Variants in MARCHF4 observed in about 807,000 individuals in gnomAD.
MARCHF4 encodes the protein E3 ubiquitin-protein ligase MARCHF4.
MARCHF4 carries 14 observed loss-of-function variants against 43.9 expected under a neutral mutation model. The ratio of observed to expected loss-of-function variants is 0.32; its 90% CI spans 0.21 to 0.50. The LOEUF is 0.50. Among genes scored for constraint, MARCHF4 ranks in the 20% least tolerant of loss-of-function variants. MARCHF4 has a pLI of 0.98. For missense variants in MARCHF4, 468 were observed against 536.7 expected (o/e 0.87, Z 1.27); for synonymous variants, 226 against 213.3 (o/e 1.06, Z -0.52).
intron 1 of MARCHF4, among the ~76,000 whole-genome samples, chr2:216,342,526 G>A (rs1559103867): frequency 6.6e-6 from 1 of 152,198 alleles, no homozygotes; most frequent in African/African-American, 2.4e-5. Context: ...AAGGTTGCTA[G>A]GGGTGGCTGA....
At chr2:216,368,344 G>T (rs1222479959) in intron 1 of MARCHF4, among the ~76,000 whole-genome samples, 1 of 152,200 alleles carries the variant, frequency 6.6e-6, no homozygotes, top group African/African-American at 2.4e-5. Context: ...AAGGCACTCT[G>T]GAGGATTTTT....
chr2:216,322,196 C>T (rs559138492), intron 1 of MARCHF4, among the ~76,000 whole-genome samples: 1 of 152,248 alleles, frequency 6.6e-6, no homozygotes, highest in Admixed American at 6.5e-5. Flanking sequence ...GGCAGCATCT[C>T]CTAAAATGTG....
intron 3 of MARCHF4, among the ~76,000 whole-genome samples, chr2:216,271,296 T>C (rs1179964863): frequency 6.6e-6 from 1 of 152,206 alleles, no homozygotes; most frequent in Non-Finnish European, 1.5e-5. Context: ...CTCCATACAA[T>C]GCTAGTTCCT....
At chr2:216,331,670 C>G (rs1427655244) in intron 1 of MARCHF4, among the ~76,000 whole-genome samples, 1 of 152,130 alleles carries the variant, frequency 6.6e-6, no homozygotes, top group African/African-American at 2.4e-5. Flanking sequence ...CAAGAATTAT[C>G]TAACAAATGA....
chr2:216,292,387 A>G (rs768713516), intron 1 of MARCHF4, among the ~76,000 whole-genome samples: 3 of 152,246 alleles, frequency 2.0e-5, no homozygotes, highest in Non-Finnish European at 4.4e-5. Context: ...GAGAATCTAA[A>G]GCCTTAAAAT....
chr2:216,299,366 C>A (rs1691451545), intron 1 of MARCHF4, among the ~76,000 whole-genome samples: 1 of 152,170 alleles, frequency 6.6e-6, no homozygotes, highest in Non-Finnish European at 1.5e-5. Context: ...AGCGTCTCAG[C>A]ATAGTCAGTC....
chr2:216,357,653 T>C (rs1448337641), intron 1 of MARCHF4, among the ~76,000 whole-genome samples: 1 of 152,224 alleles, frequency 6.6e-6, no homozygotes, highest in Non-Finnish European at 1.5e-5. Context: ...GTTGAGACTT[T>C]GGAAAGTACT....
At chr2:216,326,668 A>T (rs931967608) in intron 1 of MARCHF4, among the ~76,000 whole-genome samples, 2 of 152,170 alleles carry the variant, frequency 1.3e-5, no homozygotes, top group African/African-American at 4.8e-5. Context: ...GTAGGGACAT[A>T]GATGAAACTG....
At chr2:216,271,625 G>T (rs920313420) in intron 3 of MARCHF4, among the ~76,000 whole-genome samples, 2 of 152,168 alleles carry the variant, frequency 1.3e-5, no homozygotes, top group African/African-American at 4.8e-5. Context: ...TCTGACTCAA[G>T]TTCCTCTTTC....
intron 1 of MARCHF4, among the ~76,000 whole-genome samples, chr2:216,287,845 T>G (rs1458379663): frequency 1.3e-5 from 2 of 152,150 alleles, no homozygotes; most frequent in Non-Finnish European, 1.5e-5. Flanking sequence ...CGCTTTGTTT[T>G]TGAGTGTCTG....
intron 1 of MARCHF4, among the ~76,000 whole-genome samples, chr2:216,308,718 A>G (rs1691630517): frequency 6.6e-6 from 1 of 152,220 alleles, no homozygotes; most frequent in African/African-American, 2.4e-5. Context: ...AACCCAGACT[A>G]TGACGTATGC....
chr2:216,275,076 C>CT (rs1258103863), intron 3 of MARCHF4, among the ~76,000 whole-genome samples: 3 of 152,182 alleles, frequency 2.0e-5, no homozygotes, highest in Non-Finnish European at 4.4e-5. Flanking sequence ...GCTTTTGCAT[C>CT]TTGGGCTATT....
At chr2:216,337,710 T>G (rs1692179273) in intron 1 of MARCHF4, among the ~76,000 whole-genome samples, 1 of 152,214 alleles carries the variant, frequency 6.6e-6, no homozygotes, top group Non-Finnish European at 1.5e-5. Flanking sequence ...CACATCTCTT[T>G]CGTGGTCTTT....
intron 3 of MARCHF4, among the ~76,000 whole-genome samples, chr2:216,264,248 G>T (rs534598727): frequency 3.2e-4 from 49 of 152,262 alleles, no homozygotes; most frequent in South Asian, 8.3e-4. Context: ...ACCCCTTTGA[G>T]GATCTAACGA....
rs1031200383 is a variant in MARCHF4, at chr2:216,259,472, T to G, written c.1073A>C (p.Glu358Ala). The change falls in exon 4 of 4, where the codon GAG (glutamate) becomes GCG (alanine). Residue 358 changes from glutamate to alanine, a missense_variant. By Grantham distance (107) the Glu-to-Ala change is moderately radical. Around this residue, in one of 3 missense-constraint regions of MARCHF4, gnomAD observed 120 missense variants for 127.1 expected, o/e 0.94. Coordinates refer to ENST00000273067, the MANE Select transcript of MARCHF4 (RefSeq NM_020814.3). ...EEETAGTPAP[E>A]QGPAQAAGHP... ...GCCGGCAGCCTGGGCAGGGCCCTGC[T>G]CAGGGGCAGGGGTGCCTGCGGTCTC... 3 of 1,614,068 alleles carry G rather than the reference T, an allele frequency of 1.9e-6. No homozygotes were observed.
intron 3 of MARCHF4, chr2:216,266,184 G>A (rs959707599): frequency 6.6e-6 from 1 of 152,172 alleles, no homozygotes; most frequent in Non-Finnish European, 1.5e-5. Flanking sequence ...AGCTTTCAGA[G>A]TGTTTGCCAC....
At chr2:216,334,900 C>T (rs144804764) in intron 1 of MARCHF4, among the ~76,000 whole-genome samples, 122 of 152,290 alleles carry the variant, frequency 8.0e-4, no homozygotes, top group African/African-American at 2.7e-3. Context: ...TACTGATTTA[C>T]AACAACACTG....
chr2:216,359,100 C>T (rs577563866), intron 1 of MARCHF4, among the ~76,000 whole-genome samples: 1 of 152,314 alleles, frequency 6.6e-6, no homozygotes, highest in East Asian at 1.9e-4. Flanking sequence ...TGTCTTAACA[C>T]AATCAAAGTT....
At chr2:216,281,636 T>C (rs558898177) in intron 2 of MARCHF4, among the ~76,000 whole-genome samples, 1 of 152,294 alleles carries the variant, frequency 6.6e-6, no homozygotes, top group African/African-American at 2.4e-5. Flanking sequence ...TTGGGACAAT[T>C]TGGACCACAA....
Sources: allele counts gnomAD v4.1 joint callset (sites outside exome capture counted in the v4.1 genomes callset), GRCh38; gene constraint gnomAD v4.1.1; regional missense constraint gnomAD v4.1.1; transcripts MANE v1.5; gene names NCBI Gene and HGNC (gene_info 2026-07-23, HGNC 2026-07-21).